PCDHGB2: variants seen among roughly 807,000 people sequenced by gnomAD.
The protein encoded by PCDHGB2 is protocadherin gamma subfamily B, 2, also known as protocadherin gamma-B2.
PCDHGB2 carries 55 observed loss-of-function variants against 59.3 expected under a neutral mutation model. The ratio of observed to expected loss-of-function variants is 0.93; its 90% confidence interval spans 0.75 to 1.16. The LOEUF is 1.16. PCDHGB2 is among the 50% of genes most tolerant of loss of function. The probability of loss-of-function intolerance (pLI) is 0.00; values close to 1 mark genes in which losing one functional copy is unlikely to be tolerated. For missense variants in PCDHGB2, 1,228 were observed against 1,198.5 expected, an observed-to-expected ratio of 1.02 and a Z score of -0.36; for synonymous variants, 516 against 512.0, an observed-to-expected ratio of 1.01 and a Z score of -0.11.
intron 1 of PCDHGB2, chr5:141,403,323 C>G: frequency 6.2e-7 from 1 of 1,613,958 alleles, no homozygotes; most frequent in Non-Finnish European, 8.5e-7. Flanking sequence ...ATAGAAGTAA[C>G]TGATATTAAC....
rs374896827 is a variant in PCDHGB2 at position 141,366,348 on chromosome 5, C to A, written c.2421+3792C>A. 54 of 1,613,830 alleles carry A rather than the reference C, an allele frequency of 3.3e-5. No individual in the cohort carries two copies. In the African/African-American group the frequency reaches 6.7e-4, roughly 20 times the overall value. On this transcript the variant is annotated intron_variant, in intron 1 of 3. Transcript: ENST00000522605. ...GCCGACAGGATCCCTGACATCCTGG[C>A]TGACCTAGGCAGTATCAAGACCCCC...
At chr5:141,450,898 C>T (rs929869116) in intron 1 of PCDHGB2, among the ~76,000 whole-genome samples, 12 of 150,412 alleles carry the variant, frequency 8.0e-5, no homozygotes, top group African/African-American at 2.9e-4. Context: ...GATATCGGCT[C>T]ACTGCAACCG....
chr5:141,374,902 C>A, intron 1 of PCDHGB2: 1 of 1,613,754 alleles, frequency 6.2e-7, no homozygotes, highest in South Asian at 1.1e-5. Context: ...ATGAAGGAGT[C>A]CACGGGGAAG....
intron 1 of PCDHGB2, chr5:141,408,379 G>C: frequency 6.2e-7 from 1 of 1,614,032 alleles, no homozygotes; most frequent in South Asian, 1.1e-5. Context: ...TCAGTGTCCT[G>C]GATGTGTCGG....
intron 1 of PCDHGB2, among the ~76,000 whole-genome samples, chr5:141,450,061 C>A (rs1219642208): frequency 7.2e-6 from 1 of 139,334 alleles, no homozygotes; most frequent in Non-Finnish European, 1.5e-5. Context: ...GGCTGGAATG[C>A]AGTGGTATGA....
intron 1 of PCDHGB2, chr5:141,426,347 T>C (rs977411941): frequency 5.2e-6 from 1 of 193,980 alleles, no homozygotes; most frequent in African/African-American, 2.3e-5. Context: ...TTCCCTTTCC[T>C]GCTGCCTTTG....
intron 1 of PCDHGB2, chr5:141,410,113 A>G (rs760617436): frequency 3.4e-5 from 55 of 1,612,436 alleles, no homozygotes; most frequent in Non-Finnish European, 4.6e-5. Flanking sequence ...ACAGGGACGC[A>G]GCCCGCCAGC....
At chr5:141,418,752 C>T (rs2096284996) in intron 1 of PCDHGB2, 1 of 1,613,874 alleles carries the variant, frequency 6.2e-7, no homozygotes, top group African/African-American at 1.3e-5. Flanking sequence ...GATTACACTA[C>T]AGGAAACATT....
At chr5:141,378,827 A>G (rs983017381) in intron 1 of PCDHGB2, 1 of 152,256 alleles carries the variant, frequency 6.6e-6, no homozygotes, top group African/African-American at 2.4e-5. Flanking sequence ...TTTCATGAAC[A>G]GAAAACAGCA....
At chr5:141,371,430 G>C in intron 1 of PCDHGB2, 1 of 1,613,962 alleles carries the variant, frequency 6.2e-7, no homozygotes, top group South Asian at 1.1e-5. Flanking sequence ...CAATGCCCCG[G>C]AGATAACCCT....
intron 1 of PCDHGB2, among the ~76,000 whole-genome samples, chr5:141,401,463 C>G (rs2094158062): frequency 6.6e-6 from 1 of 152,214 alleles, no homozygotes; most frequent in Admixed American, 6.5e-5. Flanking sequence ...AAATAATTTT[C>G]TAAGTTTATC....
Position 141,485,092 on chromosome 5 carries a change from G to C in PCDHGB2, c.2422-9715G>C, listed in dbSNP as rs2099606725. 3.8e-6 allele frequency: 4 copies of C among 1,065,492 alleles called. No homozygotes were observed. Among genetic ancestry groups the C allele is most frequent in the Non-Finnish European group, 5.6e-6 (4 of 708,358 alleles). The allele number at this position is 1,065,492 out of a possible 1,614,324, so 66.0% of individuals were successfully genotyped here. A position where few individuals can be genotyped will look rare whatever the true frequency, so the allele number is the denominator to read the frequency against. Reference sequence around the variant, plus strand: ...CTGGCGCGGGGAAAGGGAGATAGGTGTCTCCAGCTGCTGTGGCTGTTTGGG... The same window carrying C: ...CTGGCGCGGGGAAAGGGAGATAGGTCTCTCCAGCTGCTGTGGCTGTTTGGG... On this transcript the variant is annotated intron_variant, in intron 1 of 3. Coordinates refer to ENST00000522605, the MANE Select transcript of PCDHGB2 (RefSeq NM_018923.3). This position sits in a 1 kb window ranked among gnomAD's most constrained non-coding sequence, Gnocchi z 5.7.
At chr5:141,421,508 A>C in intron 1 of PCDHGB2, 1 of 1,614,046 alleles carries the variant, frequency 6.2e-7, no homozygotes, top group Non-Finnish European at 8.5e-7. Context: ...ATAGACCGGG[A>C]GGAGCTCTGT....
chr5:141,376,438 T>C lies in PCDHGB2; in HGVS notation c.2421+13882T>C, dbSNP rs752669729. 6.2e-6 allele frequency: 10 copies of C among 1,614,058 alleles called. No homozygotes were observed. The Admixed American group carries it at 8.3e-5, about 13-fold the overall frequency. On this transcript the variant is annotated intron_variant, in intron 1 of 3. Coordinates refer to ENST00000522605, the MANE Select transcript of PCDHGB2 (RefSeq NM_018923.3). ...ACACGCTTATCAACCAGGAGAGCTA[T>C]GAGAAAAGCGAGCCTCTTCTGATAA...
chr5:141,503,214 T>C (rs994291483), intron 2 of PCDHGB2, among the ~76,000 whole-genome samples: 7 of 152,096 alleles, frequency 4.6e-5, no homozygotes, highest in African/African-American at 1.7e-4. Flanking sequence ...GTGCCCACCA[T>C]GAGCACCGTA....
At chr5:141,455,075 G>A (rs1050636999) in intron 1 of PCDHGB2, among the ~76,000 whole-genome samples, 2 of 151,830 alleles carry the variant, frequency 1.3e-5, no homozygotes, top group African/African-American at 4.8e-5. Context: ...GCCTCCCAAA[G>A]TGCTGGGATT....
chr5:141,428,624 C>CT, intron 1 of PCDHGB2: 1 of 193,988 alleles, frequency 5.2e-6, no homozygotes, highest in South Asian at 1.1e-4. Context: ...AAGATAAGCT[C>CT]TAACTCTGTT....
intron 1 of PCDHGB2, chr5:141,382,999 T>C (rs1208869928): frequency 6.2e-7 from 1 of 1,613,770 alleles, no homozygotes; most frequent in Non-Finnish European, 8.5e-7. Context: ...TATTCTCTAC[T>C]CCGTGTCGGA....
chr5:141,495,077 C>T (rs1237589417), intron 2 of PCDHGB2, among the ~76,000 whole-genome samples: 4 of 152,180 alleles, frequency 2.6e-5, no homozygotes, highest in African/African-American at 9.7e-5. Flanking sequence ...AATTCACATG[C>T]TTGCCCCTTC....
Sources: gnomAD v4.1 joint callset for allele counts (sites outside exome capture counted in the v4.1 genomes callset) on GRCh38, gnomAD v4.1.1 for gene constraint, Gnocchi (gnomAD v3.1) non-coding constraint, MANE v1.5 for transcripts, NCBI Gene and HGNC (gene_info 2026-07-23, HGNC 2026-07-21) for gene names.